The following CNTNAP2 variants were observed in gnomAD, a reference collection of about 807,000 sequenced individuals.
CNTNAP2 encodes contactin-associated protein-like 2.
CNTNAP2 carries 98 observed loss-of-function variants against 155.2 expected under a neutral mutation model. The ratio of observed to expected loss-of-function variants is 0.63; its 90% CI spans 0.54 to 0.75. The LOEUF is 0.75. CNTNAP2 is among the 30% of genes least tolerant of loss of function. The pLI is 0.00. For missense variants in CNTNAP2, 1,727 were observed against 1,688.1 expected, an observed-to-expected ratio of 1.02 and a Z score of -0.40; for synonymous variants, 651 against 631.2, an observed-to-expected ratio of 1.03 and a Z score of -0.47.
chr7:147,728,455 G>T (rs1449449415), intron 13 of CNTNAP2, among the ~76,000 whole-genome samples: 1 of 151,976 alleles, frequency 6.6e-6, no homozygotes, highest in Non-Finnish European at 1.5e-5. Context: ...TCTCCTCTTG[G>T]TTACCAGTGT....
chr7:146,661,430 A>G (rs963736572), intron 1 of CNTNAP2, among the ~76,000 whole-genome samples: 1 of 152,140 alleles, frequency 6.6e-6, no homozygotes, highest in Non-Finnish European at 1.5e-5. Context: ...GATGTAATCA[A>G]TATTCTCCCC....
At chr7:147,650,775 C>T (rs1461225425) in intron 13 of CNTNAP2, among the ~76,000 whole-genome samples, 1 of 151,900 alleles carries the variant, frequency 6.6e-6, no homozygotes, top group African/African-American at 2.4e-5. Flanking sequence ...GGTGCCCCAA[C>T]CCCTGAGTTG....
intron 20 of CNTNAP2, among the ~76,000 whole-genome samples, chr7:148,264,920 C>G (rs886920689): frequency 2.6e-5 from 4 of 152,124 alleles, no homozygotes; most frequent in African/African-American, 9.7e-5. Context: ...GTCTCGATCT[C>G]TTGATCTCAT....
chr7:146,867,082 A>G (rs1283526191), intron 3 of CNTNAP2, among the ~76,000 whole-genome samples: 1 of 152,074 alleles, frequency 6.6e-6, no homozygotes, highest in Non-Finnish European at 1.5e-5. Flanking sequence ...AACACGTGTC[A>G]CAGGGGTTTG....
At chr7:146,615,770 C>T (rs2129155006) in intron 1 of CNTNAP2, among the ~76,000 whole-genome samples, 1 of 152,236 alleles carries the variant, frequency 6.6e-6, no homozygotes, top group Middle Eastern at 3.4e-3. Context: ...TGGGGAGAAA[C>T]CTGAGACACA....
At chr7:147,501,151 A>G (rs1015587352) in intron 11 of CNTNAP2, among the ~76,000 whole-genome samples, 1 of 151,978 alleles carries the variant, frequency 6.6e-6, no homozygotes, top group Non-Finnish European at 1.5e-5. Context: ...ATTTCAACAG[A>G]CACAGAAGAA....
At chr7:147,815,456 C>A (rs1640644) in intron 13 of CNTNAP2, among the ~76,000 whole-genome samples, 9,554 of 152,162 alleles carry the variant, frequency 0.063, 948 homozygotes, top group African/African-American at 0.21. Flanking sequence ...TGCATGTGGG[C>A]CCCGACATCT....
At chr7:148,142,549 A>G (rs182480181) in intron 16 of CNTNAP2, among the ~76,000 whole-genome samples, 242 of 152,286 alleles carry the variant, frequency 1.6e-3, no homozygotes, top group African/African-American at 5.5e-3. Flanking sequence ...CTCGAACCTT[A>G]TTTTAGAATG....
chr7:147,094,470 C>T (rs908702668), intron 4 of CNTNAP2, among the ~76,000 whole-genome samples: 9 of 147,954 alleles, frequency 6.1e-5, no homozygotes, highest in Admixed American at 2.0e-4. Context: ...GCCGCGATCT[C>T]GGCTCACTGC....
chr7:148,406,060 G>T (rs576666857), intron 22 of CNTNAP2, among the ~76,000 whole-genome samples: 1 of 151,652 alleles, frequency 6.6e-6, no homozygotes, highest in Admixed American at 6.6e-5. Context: ...GTGAAACCCC[G>T]TTTCTACTAA....
intron 10 of CNTNAP2, among the ~76,000 whole-genome samples, chr7:147,468,428 T>G (rs1584751376): frequency 6.6e-6 from 1 of 152,362 alleles, no homozygotes; most frequent in African/African-American, 2.4e-5. Flanking sequence ...TTTCTCCAAG[T>G]TTGGTCTTGC....
intron 15 of CNTNAP2, among the ~76,000 whole-genome samples, chr7:148,026,963 T>C (rs1253301904): frequency 6.6e-6 from 1 of 152,150 alleles, no homozygotes; most frequent in Non-Finnish European, 1.5e-5. Context: ...TTTTTTGTTG[T>C]TGTTGTTGTT....
At chr7:147,445,826 G>A (rs1486309107) in intron 10 of CNTNAP2, among the ~76,000 whole-genome samples, 1 of 151,538 alleles carries the variant, frequency 6.6e-6, no homozygotes, top group Non-Finnish European at 1.5e-5. Flanking sequence ...ACGGGGTCTT[G>A]CTCTGTCACT....
intron 1 of CNTNAP2, among the ~76,000 whole-genome samples, chr7:146,162,117 C>T (rs1288742847): frequency 6.6e-6 from 1 of 152,146 alleles, no homozygotes; most frequent in Non-Finnish European, 1.5e-5. Flanking sequence ...GGCTTCATGA[C>T]TAAAACACCA....
intron 1 of CNTNAP2, among the ~76,000 whole-genome samples, chr7:146,676,448 C>CT (rs35178328): frequency 0.062 from 9,394 of 150,550 alleles, 466 homozygotes; most frequent in African/African-American, 0.15. Flanking sequence ...TGTTTGTGTT[C>CT]TTTTTTTTAA....
chr7:147,212,239 T>A lies in CNTNAP2; in HGVS notation c.1348+79730T>A, dbSNP rs1803165230. ...TTATCCAGCACAACAATCCCATTAC[T>A]GGATATATATCCAAAAGAAAACATA... On this transcript the variant is annotated intron_variant, in intron 8 of 23. Coordinates refer to ENST00000361727, the MANE Select transcript of CNTNAP2 (RefSeq NM_014141.6). 2.0e-5 allele frequency among the ~76,000 whole-genome samples: 3 copies of A among 152,132 alleles called. No homozygotes were observed. In the South Asian group the frequency reaches 6.2e-4, roughly 31 times the overall value.
intron 14 of CNTNAP2, among the ~76,000 whole-genome samples, chr7:147,926,091 TAAATCAGATGTA>T (rs1188239686): frequency 3.9e-5 from 6 of 152,212 alleles, no homozygotes; most frequent in African/African-American, 1.4e-4. Context: ...GGAGTTTGTT[TAAATCAGATGTA>T]AATGATATTT....
intron 1 of CNTNAP2, among the ~76,000 whole-genome samples, chr7:146,431,316 A>C (rs1270371671): frequency 3.9e-5 from 6 of 152,046 alleles, no homozygotes; most frequent in Non-Finnish European, 5.9e-5. Flanking sequence ...AAATGTCTTC[A>C]ATGTGTACAG....
intron 1 of CNTNAP2, among the ~76,000 whole-genome samples, chr7:146,308,230 C>G (rs1209177398): frequency 2.0e-5 from 3 of 152,140 alleles, no homozygotes; most frequent in Non-Finnish European, 4.4e-5. Flanking sequence ...TGAAAAAATG[C>G]TCATCATCAC....
Sources: allele counts gnomAD v4.1 joint callset (sites outside exome capture counted in the v4.1 genomes callset), GRCh38; gene constraint gnomAD v4.1.1; transcripts MANE v1.5; gene names NCBI Gene and HGNC (gene_info 2026-07-23, HGNC 2026-07-21).